SPDYE5: variants seen among roughly 807,000 people sequenced by gnomAD.
SPDYE5 encodes speedy/RINGO cell cycle regulator family member E5.
A neutral mutation model predicts 48.5 loss-of-function variants in SPDYE5; 15 were observed. The ratio of observed to expected loss-of-function variants is 0.31; its 90% CI spans 0.21 to 0.48. The LOEUF (loss-of-function observed/expected upper bound fraction) is 0.48. SPDYE5 is among the 20% of genes least tolerant of loss of function. The probability of loss-of-function intolerance (pLI) is 0.99; values close to 1 mark genes in which losing one functional copy is unlikely to be tolerated. For synonymous variants in SPDYE5, 116 were observed against 200.7 expected (o/e 0.58, Z 3.57); for missense variants, 331 against 549.1 (o/e 0.60, Z 3.97).
chr7:75,501,374 T>G lies in SPDYE5; in HGVS notation c.768T>G (p.Asn256Lys). The G allele has an allele frequency of 1.2e-6, 2 of 1,612,220 alleles. No homozygotes were observed. Among genetic ancestry groups the G allele is most frequent in the Non-Finnish European group, 1.7e-6 (2 of 1,179,904 alleles). Reference sequence around the variant, plus strand: ...TTTCTGTCCTCAGCTACCTGGCCAATGACATGGAGGAGGACGACGAGGACT... The same window carrying G: ...TTTCTGTCCTCAGCTACCTGGCCAAGGACATGGAGGAGGACGACGAGGACT... ...IHFFLALYLA[N>K]DMEEDDEDSK... is the part of the protein sequence containing the mutation. The change falls in exon 7 of 9, where the codon AAT (asparagine) becomes AAG (lysine). Residue 256 changes from asparagine to lysine, a missense_variant. Physicochemically the swap from Asn to Lys is moderately conservative, Grantham distance 94. Transcript: ENST00000625065.
In SPDYE5 at chr7:75,494,113, T is replaced by A; in HGVS notation, c.66T>A (p.Arg22=). The change falls in exon 2 of 9, where the codon CGT becomes CGA. Residue 22 remains arginine (R), a synonymous_variant. Coordinates refer to ENST00000625065, the MANE Select transcript of SPDYE5 (RefSeq NM_001306141.4). ...TTACGGAAAAGATCACGACCAGCCG[T>A]CAACCGCAACCCCAGAATGAGCAGA... ...GQITEKITTS[R]QPQPQNEQSP... is the part of the protein sequence containing the mutation. The A allele has an allele frequency of 1.3e-6, 2 of 1,535,210 alleles. No homozygotes were observed. Among genetic ancestry groups the A allele is most frequent in the Middle Eastern group, 2.3e-4 (1 of 4,358 alleles).
At position 75,503,310 on chromosome 7, in the gene SPDYE5, G is replaced by C. The variant is rs1287959364; in HGVS notation, c.*523G>C. On this transcript the variant is annotated 3_prime_UTR_variant, in exon 9 of 9. Transcript: ENST00000625065. ...TTATTGGTTTGTTTGGAAAATGTTG[G>C]CCATTGAATTATTCATAGATTTATT... is the stretch of plus-strand genomic sequence containing the variant. 20 of 211,768 alleles carry C rather than the reference G, an allele frequency of 9.4e-5. No homozygotes were observed. Among genetic ancestry groups the C allele is most frequent in the Non-Finnish European group, 1.8e-4 (19 of 104,014 alleles). The allele number at this position is 211,768 out of a possible 1,614,324, so 13.1% of individuals were successfully genotyped here.
At chr7:75,501,298 C>A in intron 6 of SPDYE5, 64 bp from the exon 7 acceptor site, 3 of 1,609,020 alleles carry the variant, frequency 1.9e-6, no homozygotes, top group Non-Finnish European at 1.7e-6. Context: ...CTCTGGGAAG[C>A]TGACCTCAGC....
At chr7:75,498,839 A>G (rs1281166602) in intron 5 of SPDYE5, among the ~76,000 whole-genome samples, 1 of 151,218 alleles carries the variant, frequency 6.6e-6, no homozygotes, top group South Asian at 2.1e-4. Flanking sequence ...TGCCTCTCCT[A>G]TGGGTCCTTT....
At chr7:75,496,982 A>C in intron 4 of SPDYE5, 78 bp downstream of exon 4, 1 of 1,022,542 alleles carries the variant, frequency 9.8e-7, no homozygotes, top group South Asian at 1.6e-5. Context: ...ACACTTTTCC[A>C]ATGGGAAAAA....
Position 75,503,122 on chromosome 7 carries a change from C to T in SPDYE5, c.*335C>T. ...CCCTTTCTATATTGCTGAATTCCAA[C>T]CTCCCTGGGGCGGAACCTGGAGGTC... On this transcript the variant is annotated 3_prime_UTR_variant, in exon 9 of 9. Coordinates refer to ENST00000625065, the MANE Select transcript of SPDYE5 (RefSeq NM_001306141.4). 1 of 479,040 alleles carries T rather than the reference C, an allele frequency of 2.1e-6. No individual in the cohort carries two copies. 29.7% of individuals were successfully genotyped at this position (479,040 alleles called of 1,614,324 possible).
At chr7:75,501,000 G>A (rs1282402769) in intron 6 of SPDYE5, among the ~76,000 whole-genome samples, 2 of 152,166 alleles carry the variant, frequency 1.3e-5, no homozygotes, top group South Asian at 2.1e-4. Context: ...GAGCCACCGC[G>A]TCTGGCATAT....
intron 6 of SPDYE5, among the ~76,000 whole-genome samples, chr7:75,500,687 C>T (rs1193590644): frequency 1.3e-5 from 2 of 152,136 alleles, no homozygotes; most frequent in African/African-American, 4.8e-5. Context: ...GGCTGTGCCA[C>T]CACACCTGGA....
upstream of SPDYE5, among the ~76,000 whole-genome samples, chr7:75,492,036 TCAA>T (rs1792754097): frequency 6.6e-6 from 1 of 152,026 alleles, no homozygotes; most frequent in South Asian, 2.1e-4. Flanking sequence ...TGACAACATA[TCAA>T]CATCATTTAC....
At chr7:75,497,438 AAATT>A (rs1554482750) in intron 4 of SPDYE5, among the ~76,000 whole-genome samples, 3 of 150,982 alleles carry the variant, frequency 2.0e-5, no homozygotes, top group Admixed American at 6.6e-5. Flanking sequence ...GTCTCAAAAT[AAATT>A]AATAAATAAA....
Position 75,498,227 on chromosome 7 carries a change from C to T in SPDYE5, c.669+231C>T, listed in dbSNP as rs587679539. 1.5e-4 allele frequency among the ~76,000 whole-genome samples: 23 copies of T among 148,452 alleles called. No homozygotes were observed. The South Asian group carries it at 2.8e-3, about 18-fold the overall frequency. The stretch of plus-strand genomic sequence containing the variant: ...GCAGCCGATGCCTCCCGGGTTCAAG[C>T]GATTCTTCTGCCTCAGCCTCCAAGC... On this transcript the variant is annotated intron_variant, in intron 5 of 8. Coordinates refer to ENST00000625065, the MANE Select transcript of SPDYE5 (RefSeq NM_001306141.4).
intron 3 of SPDYE5, among the ~76,000 whole-genome samples, chr7:75,495,657 T>A (rs1457809622): frequency 6.6e-6 from 1 of 152,028 alleles, no homozygotes; most frequent in Non-Finnish European, 1.5e-5. Flanking sequence ...GGCAAGAGGA[T>A]TGCTTGAACT....
At position 75,503,576 on chromosome 7, in the gene SPDYE5, T is replaced by C. The variant is rs1183291337; in HGVS notation, c.*789T>C. 1 of 151,782 alleles carries C rather than the reference T, an allele frequency of 6.6e-6. No individual in the cohort carries two copies. Among genetic ancestry groups the C allele is most frequent in the Non-Finnish European group, 1.5e-5 (1 of 67,926 alleles). The allele number at this position is 151,782 out of a possible 1,614,324, so 9.4% of individuals were successfully genotyped here. On this transcript the variant is annotated 3_prime_UTR_variant, in exon 9 of 9. Coordinates refer to ENST00000625065, the MANE Select transcript of SPDYE5 (RefSeq NM_001306141.4). ...TAATAATCTCTTCTATTTATAGCTATTGGTAGTTCCCCACCACAAAAAAAA... is the reference window on the plus strand; with the variant it reads ...TAATAATCTCTTCTATTTATAGCTACTGGTAGTTCCCCACCACAAAAAAAA...
rs1398182335 is a variant in SPDYE5, at chr7:75,492,460, G to A, written c.-422+19G>A. Among the ~76,000 whole-genome samples, 4 of 152,150 alleles carry A rather than the reference G, an allele frequency of 2.6e-5. No homozygotes were observed. The highest frequency in any genetic ancestry group is 9.7e-5 in the African/African-American group (4 of 41,432). On this transcript the variant is annotated intron_variant, in intron 1 of 8. Coordinates refer to ENST00000625065, the MANE Select transcript of SPDYE5 (RefSeq NM_001306141.4). ...CTCGCAGGTTCTTTATTTTTTTTGA[G>A]ATGGAGTTTTGCTCGTTGCCCAGAC...
At chr7:75,492,256 C>T (rs1239254375), upstream of SPDYE5, among the ~76,000 whole-genome samples, 1 of 152,166 alleles carries the variant, frequency 6.6e-6, no homozygotes, top group African/African-American at 2.4e-5. Context: ...GAAGGACCCA[C>T]CCAGCTCTGA....
chr7:75,501,318 C>G (rs1554483382), intron 6 of SPDYE5, 44 bp from the exon 7 acceptor site: 12 of 1,611,684 alleles, frequency 7.4e-6, no homozygotes, highest in South Asian at 2.2e-5. Context: ...CCGGAGGCCT[C>G]TCTTGGTGGT....
At chr7:75,493,429 G>A (rs1442700593) in intron 1 of SPDYE5, among the ~76,000 whole-genome samples, 198 bp from the exon 2 acceptor site, 861 of 141,294 alleles carry the variant, frequency 6.1e-3, no homozygotes, top group Admixed American at 9.8e-3. Context: ...GTAAACATTC[G>A]GCAGAAAAGC....
At position 75,497,621 on chromosome 7, in the gene SPDYE5, G is replaced by C. The variant is rs1411182560; in HGVS notation, c.611-317G>C. The stretch of plus-strand genomic sequence containing the variant: ...TCACACCCTGATGTGACTGTCTCAT[G>C]AGGAAATGATGGGAATTCCTTTATG... On this transcript the variant is annotated intron_variant, in intron 4 of 8. Transcript: ENST00000625065. Among the ~76,000 whole-genome samples, 3 of 147,110 alleles carry C rather than the reference G, an allele frequency of 2.0e-5. No homozygotes were observed. In the East Asian group the frequency reaches 5.9e-4, roughly 29 times the overall value.
At chr7:75,494,912 G>C (rs1792869949) in intron 2 of SPDYE5, 1 of 1,436,274 alleles carries the variant, frequency 7.0e-7, no homozygotes, top group East Asian at 2.5e-5. Flanking sequence ...AAAAAAGGAG[G>C]GACTCAGAGA....
Sources: gnomAD v4.1 joint callset for allele counts (sites outside exome capture counted in the v4.1 genomes callset) on GRCh38, gnomAD v4.1.1 for gene constraint, MANE v1.5 for transcripts, NCBI Gene and HGNC (gene_info 2026-07-23, HGNC 2026-07-21) for gene names.